Variants in MOCS2 observed in about 807,000 individuals in gnomAD.
The protein encoded by MOCS2 is molybdopterin synthase catalytic subunit.
Under a neutral mutation model 21.9 loss-of-function variants are expected in MOCS2, and 13 were observed. That is an observed-to-expected ratio of 0.59 (90% confidence interval 0.39 to 0.94). MOCS2 has a LOEUF of 0.94. Ranked by LOEUF, MOCS2 falls within the 40% of genes least tolerant of loss-of-function variation. MOCS2 has a pLI of 0.00. For synonymous variants in MOCS2, 92 were observed against 80.8 expected (o/e 1.14, Z -0.74); for missense variants, 227 against 218.3 (o/e 1.04, Z -0.25).
intron 2 of MOCS2, 135 bp from the exon 3 acceptor site, chr5:53,107,356 T>A: frequency 1.3e-6 from 1 of 798,884 alleles, no homozygotes. Flanking sequence ...AATTTACACA[T>A]AGTATATGGA....
Position 53,109,604 on chromosome 5 carries a change from G to C in MOCS2, c.-523C>G. 6.7e-7 allele frequency: 1 copy of C among 1,502,872 alleles called. No homozygotes were observed. Among genetic ancestry groups the C allele is most frequent in the South Asian group, 1.2e-5 (1 of 80,082 alleles). The allele number at this position is 1,502,872 out of a possible 1,614,324, so 93.1% of individuals were successfully genotyped here. A position where few individuals can be genotyped will look rare whatever the true frequency, so the allele number is the denominator to read the frequency against. ...AAGACGCCGGCCAGGTTGGGGGCTAGTGGGGAGGTCCGACTGACCAAGGCT... is the reference window on the plus strand; with the variant it reads ...AAGACGCCGGCCAGGTTGGGGGCTACTGGGGAGGTCCGACTGACCAAGGCT... On this transcript the variant is annotated 5_prime_UTR_variant, in exon 1 of 7. Transcript: ENST00000396954.
At chr5:53,101,901 C>T (rs539691298) in intron 4 of MOCS2, among the ~76,000 whole-genome samples, 196 bp downstream of exon 4, 1 of 152,236 alleles carries the variant, frequency 6.6e-6, no homozygotes, top group South Asian at 2.1e-4. Flanking sequence ...TTTCAAAATG[C>T]CTTGTAATTT....
chr5:53,096,752 C>T lies in MOCS2; in HGVS notation c.*1850G>A, dbSNP rs1321384328. The T allele has an allele frequency of 6.6e-6, 1 of 152,206 alleles. No individual in the cohort carries two copies. The highest frequency in any genetic ancestry group is 2.4e-5 in the African/African-American group (1 of 41,448). 9.4% of individuals were successfully genotyped at this position (152,206 alleles called of 1,614,324 possible). On this transcript the variant is annotated 3_prime_UTR_variant, in exon 7 of 7. Coordinates refer to ENST00000396954, the MANE Select transcript of MOCS2 (RefSeq NM_004531.5). ...TCTGTTGGAGACTTTAAAAGCATAA[C>T]AGTCTCAGTTCCAAACTTAGAATAA... is the stretch of plus-strand genomic sequence containing the variant.
At chr5:53,107,052 A>G (rs765212895) in intron 3 of MOCS2, 25 bp downstream of exon 3, 3 of 1,613,750 alleles carry the variant, frequency 1.9e-6, no homozygotes, top group African/African-American at 2.7e-5. Context: ...CACACGACTG[A>G]TTAAGAAAAA....
At chr5:53,107,462 T>A in intron 2 of MOCS2, 1 of 480,838 alleles carries the variant, frequency 2.1e-6, no homozygotes, top group African/African-American at 1.9e-5. Context: ...CTTGGGGAAT[T>A]AAACAACAAA....
At chr5:53,101,735 A>G (rs568071972) in intron 4 of MOCS2, among the ~76,000 whole-genome samples, 80 of 152,316 alleles carry the variant, frequency 5.3e-4, no homozygotes, top group Admixed American at 1.1e-3. Flanking sequence ...CAAGCTTACT[A>G]AAAACACTCA....
chr5:53,109,665 G>A lies in MOCS2; in HGVS notation c.-584C>T. On this transcript the variant is annotated 5_prime_UTR_variant, in exon 1 of 7. Coordinates refer to ENST00000396954, the MANE Select transcript of MOCS2 (RefSeq NM_004531.5). Reference sequence around the variant, plus strand: ...AGGGAAAGGGCGGGAGAGACACGTCGAGGAGGGCTCCGCACCCAGGCCCGC... The same window carrying A: ...AGGGAAAGGGCGGGAGAGACACGTCAAGGAGGGCTCCGCACCCAGGCCCGC... 6.5e-7 allele frequency: 1 copy of A among 1,550,336 alleles called. No individual in the cohort carries two copies. Among genetic ancestry groups the A allele is most frequent in the Admixed American group, 2.0e-5 (1 of 51,190 alleles).
rs398122797 is a variant in MOCS2 at position 53,098,628 on chromosome 5, CTT to C, written c.539_540del (p.Lys180ArgfsTer31). 1.1e-4 allele frequency: 172 copies of C among 1,613,776 alleles called. No individual in the cohort carries two copies. Among genetic ancestry groups the C allele is most frequent in the Admixed American group, 3.3e-4 (20 of 59,992 alleles). ...YEESSTWKGN[K>X]ECFWASNS The stretch of plus-strand genomic sequence containing the variant: ...TAACTGTTGGATGCCCAAAAGCACT[CTT>C]TGTTTCCTTTCCAAGTTGATGACTC... On this transcript the variant is annotated frameshift_variant, in exon 7 of 7. Transcript: ENST00000396954. LOFTEE classifies it high-confidence loss of function.
At chr5:53,108,751 T>C (rs867012200) in intron 1 of MOCS2, 108 bp from the exon 2 acceptor site, 4 of 1,137,780 alleles carry the variant, frequency 3.5e-6, no homozygotes, top group Middle Eastern at 2.4e-4. Flanking sequence ...CAAAGACAAA[T>C]TTTATAAAGA....
At chr5:53,101,837 T>C (rs1010993908) in intron 4 of MOCS2, among the ~76,000 whole-genome samples, 2 of 152,224 alleles carry the variant, frequency 1.3e-5, no homozygotes, top group Non-Finnish European at 2.9e-5. Flanking sequence ...CATTTTTACC[T>C]TCAATTTTGG....
Position 53,109,520 on chromosome 5 carries a change from G to A in MOCS2, c.-439C>T. The A allele has an allele frequency of 1.6e-6, 2 of 1,276,756 alleles. No homozygotes were observed. The highest frequency in any genetic ancestry group is 1.9e-5 in the South Asian group (1 of 53,354). The allele number at this position is 1,276,756 out of a possible 1,614,324, so 79.1% of individuals were successfully genotyped here. On this transcript the variant is annotated 5_prime_UTR_variant, in exon 1 of 7. Coordinates refer to ENST00000396954, the MANE Select transcript of MOCS2 (RefSeq NM_004531.5). ...GGACCCGACTTCTGCTGGGGCAGTC[G>A]CAGTAAAGCCCGGAGACAGGAAGGG...
Position 53,101,353 on chromosome 5 carries a change from T to A in MOCS2, c.377+6A>T, listed in dbSNP as rs746478227. On this transcript the variant is annotated splice_donor_region_variant and intron_variant, in intron 5 of 6. Coordinates refer to ENST00000396954, the MANE Select transcript of MOCS2 (RefSeq NM_004531.5). ...TTAACTTTTAGAGTGATAAAGGAAATCATACCCAAGTCTATGGAACACTGC... is the reference window on the plus strand; with the variant it reads ...TTAACTTTTAGAGTGATAAAGGAAAACATACCCAAGTCTATGGAACACTGC... 1.2e-6 allele frequency: 2 copies of A among 1,613,422 alleles called. No homozygotes were observed. Among genetic ancestry groups the A allele is most frequent in the South Asian group, 2.2e-5 (2 of 91,074 alleles).
chr5:53,103,151 G>A (rs866562647), intron 3 of MOCS2, among the ~76,000 whole-genome samples: 2 of 151,988 alleles, frequency 1.3e-5, no homozygotes, highest in Non-Finnish European at 2.9e-5. Flanking sequence ...ATAAAAATAA[G>A]CAAGTGTAAA....
chr5:53,100,334 A>C lies in MOCS2; in HGVS notation c.501+77T>G. 1.7e-5 allele frequency: 26 copies of C among 1,533,328 alleles called. No individual in the cohort carries two copies. In the South Asian group the frequency reaches 2.8e-4, roughly 17 times the overall value. The allele number at this position is 1,533,328 out of a possible 1,614,324, so 95.0% of individuals were successfully genotyped here. A position where few individuals can be genotyped will look rare whatever the true frequency, so the allele number is the denominator to read the frequency against. ...TACTACAGTCAGTAAAAAGTCCATA[A>C]ATATGGGGGGATTTATCTAAAAATT... On this transcript the variant is annotated intron_variant, in intron 6 of 6. Coordinates refer to ENST00000396954, the MANE Select transcript of MOCS2 (RefSeq NM_004531.5).
chr5:53,102,011 C>T, intron 4 of MOCS2, 86 bp downstream of exon 4: 1 of 1,423,668 alleles, frequency 7.0e-7, no homozygotes. Context: ...GTATTTCAAA[C>T]TCCTCCGTTA....
At chr5:53,108,113 G>C (rs139926545) in intron 2 of MOCS2, 3,675 of 153,910 alleles carry the variant, frequency 0.024, 82 homozygotes, top group Non-Finnish European at 0.035. Flanking sequence ...GCAGCATCTA[G>C]GATTTGTTGT....
chr5:53,099,079 A>C (rs1368374704), intron 6 of MOCS2, among the ~76,000 whole-genome samples: 4 of 152,154 alleles, frequency 2.6e-5, no homozygotes, highest in Non-Finnish European at 5.9e-5. Flanking sequence ...CGAGACTAGA[A>C]CCAGACTAGA....
At chr5:53,100,217 GCTTA>G (rs1740869475) in intron 6 of MOCS2, among the ~76,000 whole-genome samples, 190 bp downstream of exon 6, 1 of 152,102 alleles carries the variant, frequency 6.6e-6, no homozygotes, top group Admixed American at 6.6e-5. Flanking sequence ...ACTCATTGAG[GCTTA>G]CTGTGTGCCA....
chr5:53,100,825 G>A, intron 5 of MOCS2: 1 of 411,098 alleles, frequency 2.4e-6, no homozygotes, highest in Non-Finnish European at 4.5e-6. Context: ...GACTCAACAA[G>A]GCACAGTGCC....
Sources: allele counts gnomAD v4.1 joint callset (sites outside exome capture counted in the v4.1 genomes callset), GRCh38; gene constraint gnomAD v4.1.1; transcripts MANE v1.5; gene names NCBI Gene and HGNC (gene_info 2026-07-23, HGNC 2026-07-21).